GSTA4: variants seen among roughly 807,000 people sequenced by gnomAD.
GSTA4 encodes the protein glutathione S-transferase A4.
Under a neutral mutation model 24.4 loss-of-function variants are expected in GSTA4, and 15 were observed. That is an observed-to-expected ratio of 0.61 (90% CI 0.41 to 0.95). The LOEUF is 0.95. Among genes scored for constraint, GSTA4 ranks in the 40% least tolerant of loss-of-function variants. GSTA4 has a pLI of 0.00. For missense variants in GSTA4, 244 were observed against 262.1 expected (o/e 0.93, Z 0.48); for synonymous variants, 92 against 94.2 (o/e 0.98, Z 0.13).
chr6:52,978,998 A>G (rs670960), intron 6 of GSTA4, among the ~76,000 whole-genome samples: 86,692 of 151,874 alleles, frequency 0.57, 25,009 homozygotes, highest in East Asian at 0.74. Context: ...TCAAGATCAG[A>G]GTTTACACAA....
intron 5 of GSTA4, among the ~76,000 whole-genome samples, 182 bp downstream of exon 5, chr6:52,984,282 A>AG: frequency 6.6e-6 from 1 of 152,336 alleles, no homozygotes; most frequent in South Asian, 2.1e-4. Context: ...GCAGAGTCCA[A>AG]GGGGCTCTAA....
intron 2 of GSTA4, among the ~76,000 whole-genome samples, chr6:52,992,648 C>T (rs1763683652): frequency 6.6e-6 from 1 of 152,120 alleles, no homozygotes; most frequent in African/African-American, 2.4e-5. Context: ...ACAAGATAAA[C>T]CCAATTTGTA....
At chr6:52,994,454 TTA>T (rs1763727522) in intron 1 of GSTA4, 193 bp from the exon 2 acceptor site, 1 of 537,238 alleles carries the variant, frequency 1.9e-6, no homozygotes. Flanking sequence ...ACCTTGGCTT[TTA>T]TATGATTTCT....
chr6:52,992,499 C>A (rs1336038216), intron 2 of GSTA4, among the ~76,000 whole-genome samples: 2 of 152,206 alleles, frequency 1.3e-5, no homozygotes, highest in Admixed American at 6.5e-5. Flanking sequence ...GCAGAGACTA[C>A]CTTAACCATG....
chr6:52,978,375 G>A lies in GSTA4; in HGVS notation c.*95C>T, dbSNP rs1292558151. 3 of 1,266,506 alleles carry A rather than the reference G, an allele frequency of 2.4e-6. No homozygotes were observed. The Admixed American group carries it at 6.6e-5, about 28-fold the overall frequency. 78.5% of individuals were successfully genotyped at this position (1,266,506 alleles called of 1,614,324 possible). On this transcript the variant is annotated 3_prime_UTR_variant, in exon 7 of 7. Transcript: ENST00000370963. The stretch of plus-strand genomic sequence containing the variant: ...AACTTAGGACCCAACTTAATACATA[G>A]ATAGCACCATGACAGAGCTGGGATC...
At chr6:52,987,300 C>G (rs1763580274) in intron 3 of GSTA4, 57 bp downstream of exon 3, 3 of 1,079,730 alleles carry the variant, frequency 2.8e-6, no homozygotes, top group African/African-American at 1.6e-5. Context: ...TCCACATAAA[C>G]AGCAGCTCTT....
chr6:52,988,631 AAGTC>A (rs1254540602), intron 2 of GSTA4, among the ~76,000 whole-genome samples: 1 of 152,240 alleles, frequency 6.6e-6, no homozygotes, highest in Admixed American at 6.5e-5. Context: ...CATGAAAAAA[AAGTC>A]AGGTCCTGTT....
At chr6:52,992,877 C>T (rs1274068506) in intron 2 of GSTA4, among the ~76,000 whole-genome samples, 1 of 152,176 alleles carries the variant, frequency 6.6e-6, no homozygotes, top group Non-Finnish European at 1.5e-5. Context: ...CAGGTGGGTG[C>T]ATCACTTGAG....
At chr6:52,994,802 C>T (rs762063811) in intron 1 of GSTA4, among the ~76,000 whole-genome samples, 2 of 152,278 alleles carry the variant, frequency 1.3e-5, no homozygotes, top group Middle Eastern at 3.4e-3. Context: ...CTGCGCCCCC[C>T]GGGTCCCGCG....
In GSTA4 at chr6:52,982,576, G is replaced by A. The variant is rs1763471787; in HGVS notation, c.544C>T (p.Gln182Ter). The A allele has an allele frequency of 6.2e-7, 1 of 1,607,284 alleles. No individual in the cohort carries two copies. Among genetic ancestry groups the A allele is most frequent in the Non-Finnish European group, 8.5e-7 (1 of 1,175,750 alleles). ...PNILSAFPFL[Q>*]EYTVKLSNIP... ...TTCTAATACATAGTTTTATTTACCT[G>A]GAGGAAAGGAAATGCAGACAGGATA... Residue 182 changes from glutamine (Q) to a stop codon, truncating the protein, a stop_gained and splice_region_variant, in exon 6 of 7, where the codon CAG becomes TAG. Coordinates refer to ENST00000370963, the MANE Select transcript of GSTA4 (RefSeq NM_001512.4). LOFTEE classifies it high-confidence loss of function.
intron 1 of GSTA4, among the ~76,000 whole-genome samples, chr6:52,994,852 T>A (rs7742162): frequency 1.8e-3 from 271 of 152,094 alleles, no homozygotes; most frequent in African/African-American, 6.3e-3. Flanking sequence ...CCCGGCCTTG[T>A]AAAACGAGCC....
chr6:52,982,365 T>A (rs1348337691), intron 6 of GSTA4, among the ~76,000 whole-genome samples: 2 of 149,184 alleles, frequency 1.3e-5, no homozygotes, highest in Non-Finnish European at 3.0e-5. Flanking sequence ...AAAAAAAAAA[T>A]TTTACACTTC....
At chr6:52,980,648 T>G (rs1020774454) in intron 6 of GSTA4, among the ~76,000 whole-genome samples, 4 of 152,180 alleles carry the variant, frequency 2.6e-5, no homozygotes, top group Non-Finnish European at 5.9e-5. Flanking sequence ...TACTTCTGGG[T>G]TCAGCATCCC....
intron 6 of GSTA4, among the ~76,000 whole-genome samples, chr6:52,980,198 A>C (rs1298830315): frequency 6.6e-6 from 1 of 152,122 alleles, no homozygotes; most frequent in Non-Finnish European, 1.5e-5. Context: ...TTTACCCTAG[A>C]CTTTTAAAAT....
intron 6 of GSTA4, among the ~76,000 whole-genome samples, chr6:52,979,592 A>G (rs1298034719): frequency 6.6e-6 from 1 of 152,256 alleles, no homozygotes; most frequent in East Asian, 1.9e-4. Flanking sequence ...ATGAAGAAGC[A>G]TATGCTCATC....
chr6:52,994,157 C>G lies in GSTA4; in HGVS notation c.87G>C (p.Glu29Asp). The G allele has an allele frequency of 3.1e-6, 5 of 1,600,456 alleles. No homozygotes were observed. The highest frequency in any genetic ancestry group is 1.1e-5 in the South Asian group (1 of 90,816). Residue 29 changes from glutamate to aspartate, a missense_variant and splice_region_variant, in exon 2 of 7, where the codon GAG becomes GAC. By Grantham distance (45) the Glu-to-Asp change is conservative. Coordinates refer to ENST00000370963, the MANE Select transcript of GSTA4 (RefSeq NM_001512.4). ...VRWVLAAAGV[E>D]FDEEFLETKE... is the part of the protein sequence containing the mutation. ...CGTGAAGAAACAGCATATAAGGTAC[C>G]TCGACTCCGGCGGCAGCTAAAACCC...
intron 2 of GSTA4, among the ~76,000 whole-genome samples, chr6:52,993,240 G>T (rs1664453794): frequency 6.6e-6 from 1 of 152,166 alleles, no homozygotes; most frequent in East Asian, 1.9e-4. Flanking sequence ...CTGAATGAGG[G>T]ACTGTATTAT....
chr6:52,992,433 T>C (rs896679837), intron 2 of GSTA4, among the ~76,000 whole-genome samples: 17 of 152,246 alleles, frequency 1.1e-4, no homozygotes, highest in African/African-American at 3.6e-4. Flanking sequence ...CTGGACTTCA[T>C]GATCTGCTTC....
chr6:52,981,037 G>T (rs1437054191), intron 6 of GSTA4, among the ~76,000 whole-genome samples: 2 of 151,732 alleles, frequency 1.3e-5, no homozygotes, highest in South Asian at 2.1e-4. Flanking sequence ...CAGGTGAAAA[G>T]TATCCTAAGT....
Sources: allele counts gnomAD v4.1 joint callset (sites outside exome capture counted in the v4.1 genomes callset), GRCh38; gene constraint gnomAD v4.1.1; transcripts MANE v1.5; gene names NCBI Gene and HGNC (gene_info 2026-07-23, HGNC 2026-07-21).